The following SMPD3 variants were observed in gnomAD, a reference collection of about 807,000 sequenced individuals.
SMPD3 encodes the protein nSMase-2.
In SMPD3, 21 loss-of-function variants were observed where a neutral mutation model predicts 55.7. The observed-to-expected ratio is 0.38, with a 90% CI of 0.27 to 0.54. The LOEUF is 0.54. Ranked by LOEUF, SMPD3 falls within the 20% of genes least tolerant of loss-of-function variation. The pLI is 0.80. For synonymous variants in SMPD3, 457 were observed against 404.3 expected, an observed-to-expected ratio of 1.13 and a Z score of -1.56; for missense variants, 842 against 899.6, an observed-to-expected ratio of 0.94 and a Z score of 0.82.
At chr16:68,363,662 C>T (rs2089385685) in intron 6 of SMPD3, 103 bp from the exon 7 acceptor site, 2 of 1,444,082 alleles carry the variant, frequency 1.4e-6, no homozygotes, top group Admixed American at 3.6e-5. Flanking sequence ...TAGCCAGGGG[C>T]AGCTGAATGG....
chr16:68,368,087 T>C (rs1463220240), intron 3 of SMPD3: 2 of 152,262 alleles, frequency 1.3e-5, no homozygotes, highest in Non-Finnish European at 2.9e-5. Flanking sequence ...TTCTCCGCGC[T>C]GGGATCCGCG....
At chr16:68,402,205 C>A (rs139091809) in intron 1 of SMPD3, among the ~76,000 whole-genome samples, 1 of 152,264 alleles carries the variant, frequency 6.6e-6, no homozygotes, top group East Asian at 1.9e-4. Context: ...TATTCTGCCT[C>A]CCTGATTGAA....
chr16:68,365,564 C>T (rs1389913991), intron 3 of SMPD3, among the ~76,000 whole-genome samples: 1 of 152,122 alleles, frequency 6.6e-6, no homozygotes, highest in Non-Finnish European at 1.5e-5. Context: ...AGAGCCCACC[C>T]CACACAGCAA....
At chr16:68,440,733 C>A (rs1449818526) in intron 1 of SMPD3, among the ~76,000 whole-genome samples, 1 of 152,160 alleles carries the variant, frequency 6.6e-6, no homozygotes, top group Non-Finnish European at 1.5e-5. Flanking sequence ...GGCAGAGTAG[C>A]TTTGACCTTG....
chr16:68,371,963 G>A lies in SMPD3; in HGVS notation c.219C>T (p.Ala73=), dbSNP rs1247603851. 6.2e-7 allele frequency: 1 copy of A among 1,612,396 alleles called. No homozygotes were observed. Among genetic ancestry groups the A allele is most frequent in the Non-Finnish European group, 8.5e-7 (1 of 1,179,658 alleles). The change falls in exon 3 of 9, where the codon GCC becomes GCT. Residue 73 remains alanine (A), a synonymous_variant. Transcript: ENST00000219334. The part of the protein sequence containing the change: ...FTPIYLALLV[A]SLPFAFLGFL... ...AGCCGAGAAACGCAAAGGGCAGCGAGGCCACCAGGAGGGCCAGGTAGATGG... is the reference window on the plus strand; with the variant it reads ...AGCCGAGAAACGCAAAGGGCAGCGAAGCCACCAGGAGGGCCAGGTAGATGG...
chr16:68,374,724 G>A (rs2089765348), intron 2 of SMPD3, among the ~76,000 whole-genome samples: 1 of 152,198 alleles, frequency 6.6e-6, no homozygotes, highest in Non-Finnish European at 1.5e-5. Context: ...AGGCTGGAGG[G>A]TTCCCCCCCA....
At chr16:68,430,717 G>T (rs1381362964) in intron 1 of SMPD3, among the ~76,000 whole-genome samples, 1 of 152,126 alleles carries the variant, frequency 6.6e-6, no homozygotes, top group Non-Finnish European at 1.5e-5. Flanking sequence ...GCAGAATCAC[G>T]CCCCTCTCAC....
Position 68,371,989 on chromosome 16 carries a change from G to GCTT in SMPD3, c.192_193insAAG (p.Thr64_Pro65insLys), listed in dbSNP as rs1348515938. The GCTT allele has an allele frequency of 6.2e-7, 1 of 1,612,064 alleles. No homozygotes were observed. Among genetic ancestry groups the GCTT allele is most frequent in the Non-Finnish European group, 8.5e-7 (1 of 1,179,502 alleles). The stretch of plus-strand genomic sequence containing the variant: ...GCCACCAGGAGGGCCAGGTAGATGG[G>GCTT]CGTGAAGAGGGCAGTGCAGAGCAGC... On this transcript the variant is annotated inframe_insertion, in exon 3 of 9. Coordinates refer to ENST00000219334, the MANE Select transcript of SMPD3 (RefSeq NM_018667.4).
At chr16:68,365,649 G>A (rs761845723) in intron 3 of SMPD3, among the ~76,000 whole-genome samples, 10 of 152,126 alleles carry the variant, frequency 6.6e-5, no homozygotes, top group Non-Finnish European at 1.2e-4. Context: ...ATAGGCCGTG[G>A]TCCCGTTGTC....
rs148212747 is a variant in SMPD3, at chr16:68,361,260, G to A, written c.1914C>T (p.Asp638=). ...SFITQLSGLT[D]HLPVAMRLMV... is the part of the protein sequence containing the mutation. ...TCAGTCGCATGGCTACTGGCAGGTGGTCCGTCAGGCCGGACAGCTGGGTGA... is the reference window on the plus strand; with the variant it reads ...TCAGTCGCATGGCTACTGGCAGGTGATCCGTCAGGCCGGACAGCTGGGTGA... Residue 638 remains aspartate, a synonymous_variant, in exon 9 of 9, where the codon GAC becomes GAT. Coordinates refer to ENST00000219334, the MANE Select transcript of SMPD3 (RefSeq NM_018667.4). The A allele has an allele frequency of 8.1e-6, 13 of 1,612,752 alleles. No individual in the cohort carries two copies. In the African/African-American group the frequency reaches 1.7e-4, roughly 22 times the overall value.
chr16:68,426,658 A>G (rs1435397135), intron 1 of SMPD3, among the ~76,000 whole-genome samples: 2 of 152,170 alleles, frequency 1.3e-5, no homozygotes, highest in South Asian at 4.1e-4. Flanking sequence ...AAATAGAAAT[A>G]TCCTCAAGAG....
Position 68,372,011 on chromosome 16 carries a change from C to T in SMPD3, c.171G>A (p.Leu57=). The change falls in exon 3 of 9, where the codon CTG becomes CTA. Residue 57 remains leucine, a synonymous_variant. Transcript: ENST00000219334. ...TGGGCGTGAAGAGGGCAGTGCAGAG[C>T]AGCTGCAGGCAGCACGGGTCGTCTG... ...QRADDPCCLQ[L]LCTALFTPIY... is the part of the protein sequence containing the mutation. 1 of 1,611,686 alleles carries T rather than the reference C, an allele frequency of 6.2e-7. No individual in the cohort carries two copies. The highest frequency in any genetic ancestry group is 8.5e-7 in the Non-Finnish European group (1 of 1,179,296).
intron 1 of SMPD3, among the ~76,000 whole-genome samples, chr16:68,418,996 G>T (rs750868650): frequency 2.0e-5 from 3 of 152,178 alleles, no homozygotes; most frequent in Non-Finnish European, 4.4e-5. Flanking sequence ...AGGACAGGAT[G>T]GAGAGAGTGT....
chr16:68,360,852 A>T lies in SMPD3; in HGVS notation c.*354T>A. Reference sequence around the variant, plus strand: ...GAGACGACATTGGCAGCAGACAAAAATAAAGAACCCTGGACGAAGCTTAAG... The same window carrying T: ...GAGACGACATTGGCAGCAGACAAAATTAAAGAACCCTGGACGAAGCTTAAG... On this transcript the variant is annotated 3_prime_UTR_variant, in exon 9 of 9. Coordinates refer to ENST00000219334, the MANE Select transcript of SMPD3 (RefSeq NM_018667.4). The T allele has an allele frequency of 4.4e-6, 1 of 226,748 alleles. No homozygotes were observed. The highest frequency in any genetic ancestry group is 8.8e-6 in the Non-Finnish European group (1 of 114,242). 14.0% of individuals were successfully genotyped at this position (226,748 alleles called of 1,614,324 possible).
intron 1 of SMPD3, among the ~76,000 whole-genome samples, chr16:68,430,064 G>A (rs1202916044): frequency 6.6e-6 from 1 of 152,160 alleles, no homozygotes; most frequent in Non-Finnish European, 1.5e-5. Flanking sequence ...CTGCAGAGTG[G>A]GGTTGGAGTG....
At chr16:68,427,931 C>T (rs1019715826) in intron 1 of SMPD3, among the ~76,000 whole-genome samples, 19 of 152,170 alleles carry the variant, frequency 1.2e-4, no homozygotes, top group Admixed American at 2.6e-4. Context: ...TCCCTGTGCT[C>T]GAGACCCAGA....
chr16:68,448,159 C>T (rs999191414), intron 1 of SMPD3, among the ~76,000 whole-genome samples, 194 bp downstream of exon 1: 1 of 152,202 alleles, frequency 6.6e-6, no homozygotes, highest in Non-Finnish European at 1.5e-5. Context: ...GAGCCTTCTC[C>T]ATGATAAAAC....
At chr16:68,419,262 G>T (rs2090368067) in intron 1 of SMPD3, among the ~76,000 whole-genome samples, 1 of 152,240 alleles carries the variant, frequency 6.6e-6, no homozygotes, top group African/African-American at 2.4e-5. Flanking sequence ...AGTCAAGGTT[G>T]ATGGCGCTTG....
Position 68,370,984 on chromosome 16 carries a change from A to T in SMPD3, c.1198T>A (p.Phe400Ile). The change falls in exon 3 of 9, where the codon TTC becomes ATC. Residue 400 changes from phenylalanine to isoleucine, a missense_variant. By Grantham distance (21) the Phe-to-Ile change is conservative. Around this residue, in one of 2 missense-constraint regions of SMPD3, gnomAD observed 649 missense variants for 643.6 expected, o/e 1.01. Transcript: ENST00000219334. ...AGGAGGCCGCTGTTGAGACACTTGAAGCTGCAGCAGCCCTGGCAGCCGTAG... is the reference window on the plus strand; with the variant it reads ...AGGAGGCCGCTGTTGAGACACTTGATGCTGCAGCAGCCCTGGCAGCCGTAG... ...GVYGCQGCCS[F>I]KCLNSGLLFA... The T allele has an allele frequency of 6.2e-7, 1 of 1,614,040 alleles. No homozygotes were observed. Among genetic ancestry groups the T allele is most frequent in the Non-Finnish European group, 8.5e-7 (1 of 1,180,022 alleles).
Sources: gnomAD v4.1 joint callset for allele counts (sites outside exome capture counted in the v4.1 genomes callset) on GRCh38, gnomAD v4.1.1 for gene constraint, gnomAD v4.1.1 regional missense constraint, MANE v1.5 for transcripts, NCBI Gene and HGNC (gene_info 2026-07-23, HGNC 2026-07-21) for gene names.